Variants in UBE2G1 observed in about 807,000 individuals in gnomAD.
UBE2G1 encodes ubiquitin conjugating enzyme E2 G1, also known as ubiquitin-conjugating enzyme E2 G1.
A neutral mutation model predicts 22.7 loss-of-function variants in UBE2G1; 5 were observed. The ratio of observed to expected loss-of-function variants is 0.22; its 90% CI spans 0.12 to 0.46. UBE2G1 has a LOEUF of 0.46. UBE2G1 is among the 20% of genes least tolerant of loss of function. The pLI is 0.99. For missense variants in UBE2G1, 88 were observed against 203.9 expected, an observed-to-expected ratio of 0.43 and a Z score of 3.46; for synonymous variants, 74 against 67.5, an observed-to-expected ratio of 1.10 and a Z score of -0.47.
At chr17:4,304,304 C>T (rs979897830) in intron 2 of UBE2G1, among the ~76,000 whole-genome samples, 4 of 152,094 alleles carry the variant, frequency 2.6e-5, no homozygotes, top group Non-Finnish European at 4.4e-5. Flanking sequence ...CCTAAACTTC[C>T]GTACTACAAA....
chr17:4,343,658 G>A (rs1158172453), intron 1 of UBE2G1, among the ~76,000 whole-genome samples: 3 of 151,312 alleles, frequency 2.0e-5, no homozygotes, highest in South Asian at 2.1e-4. Flanking sequence ...GCGCAATCTC[G>A]GCTCACTGCA....
chr17:4,305,144 AG>A (rs1408581804), intron 2 of UBE2G1, among the ~76,000 whole-genome samples: 2 of 151,938 alleles, frequency 1.3e-5, no homozygotes, highest in African/African-American at 4.8e-5. Flanking sequence ...TAGTAGAGAC[AG>A]GGTTTCTCCA....
chr17:4,329,360 T>G (rs891357147), intron 1 of UBE2G1, among the ~76,000 whole-genome samples: 1 of 146,786 alleles, frequency 6.8e-6, no homozygotes, highest in Non-Finnish European at 1.5e-5. Context: ...GATCGCACCA[T>G]TGCACTCCAG....
chr17:4,325,561 T>G (rs552232066), intron 1 of UBE2G1, among the ~76,000 whole-genome samples: 1 of 152,144 alleles, frequency 6.6e-6, no homozygotes, highest in African/African-American at 2.4e-5. Flanking sequence ...CACAAAAAAA[T>G]CCACCCAAAG....
intron 1 of UBE2G1, among the ~76,000 whole-genome samples, chr17:4,316,864 C>T (rs145825525): frequency 6.0e-5 from 9 of 149,504 alleles, no homozygotes; most frequent in Admixed American, 1.3e-4. Flanking sequence ...TGTTTGGGCC[C>T]GGAAGTTTGA....
intron 5 of UBE2G1, among the ~76,000 whole-genome samples, chr17:4,280,924 C>T (rs9912524): frequency 0.55 from 83,204 of 152,038 alleles, 25,984 homozygotes; most frequent in East Asian, 0.8. Flanking sequence ...TGAGCCACCG[C>T]ACCTGGCCAC....
At chr17:4,333,842 C>T (rs963617626) in intron 1 of UBE2G1, among the ~76,000 whole-genome samples, 1 of 152,026 alleles carries the variant, frequency 6.6e-6, no homozygotes, top group Non-Finnish European at 1.5e-5. Flanking sequence ...AAAAGACTTA[C>T]ACCTTTTGCC....
chr17:4,309,741 T>G (rs1438208300), intron 1 of UBE2G1, among the ~76,000 whole-genome samples: 2 of 152,210 alleles, frequency 1.3e-5, no homozygotes, highest in African/African-American at 4.8e-5. Context: ...TTGTGAAAGA[T>G]TCTATAATAT....
intron 1 of UBE2G1, among the ~76,000 whole-genome samples, chr17:4,318,787 AG>A (rs1969404866): frequency 1.3e-5 from 2 of 152,186 alleles, no homozygotes; most frequent in Non-Finnish European, 2.9e-5. Context: ...GGCTGCAGTG[AG>A]TCGTAAGCAT....
chr17:4,303,375 G>A (rs991814394), intron 2 of UBE2G1, among the ~76,000 whole-genome samples: 5 of 151,966 alleles, frequency 3.3e-5, no homozygotes, highest in Admixed American at 6.6e-5. Context: ...TAATAAAACT[G>A]CAAAAGGGGA....
rs1337616199 is a variant in UBE2G1 at position 4,272,267 on chromosome 17, A to G, written c.*287T>C. The G allele has an allele frequency of 1.3e-5, 2 of 153,162 alleles. No individual in the cohort carries two copies. The highest frequency in any genetic ancestry group is 6.5e-5 in the Admixed American group (1 of 15,276). The allele number at this position is 153,162 out of a possible 1,614,324, so 9.5% of individuals were successfully genotyped here. A position where few individuals can be genotyped will look rare whatever the true frequency, so the allele number is the denominator to read the frequency against. On this transcript the variant is annotated 3_prime_UTR_variant, in exon 6 of 6. Transcript: ENST00000396981. The stretch of plus-strand genomic sequence containing the variant: ...TTGTGGATGTACATGAACAGTATAT[A>G]TATTATCCGGATCATGTTGTGCTAT...
At chr17:4,317,732 C>T (rs1371596173) in intron 1 of UBE2G1, among the ~76,000 whole-genome samples, 1 of 152,140 alleles carries the variant, frequency 6.6e-6, no homozygotes, top group African/African-American at 2.4e-5. Context: ...AATATTTCAC[C>T]CTGCTTATCA....
intron 2 of UBE2G1, 52 bp from the exon 3 acceptor site, chr17:4,296,866 T>C (rs765676776): frequency 6.7e-7 from 1 of 1,488,034 alleles, no homozygotes; most frequent in Non-Finnish European, 9.3e-7. Flanking sequence ...TGCTTTTAAG[T>C]ATAGAAGTGT....
intron 4 of UBE2G1, among the ~76,000 whole-genome samples, chr17:4,286,340 G>A (rs1459190387): frequency 6.6e-6 from 1 of 151,398 alleles, no homozygotes; most frequent in Non-Finnish European, 1.5e-5. Context: ...GGGAGGTGGA[G>A]GTTGCAGTGA....
chr17:4,273,416 T>C (rs1968783419), intron 5 of UBE2G1, among the ~76,000 whole-genome samples: 2 of 152,188 alleles, frequency 1.3e-5, no homozygotes, highest in African/African-American at 2.4e-5. Flanking sequence ...GGCATGAACA[T>C]GGCTCACTGC....
At chr17:4,336,311 A>G (rs1295782833) in intron 1 of UBE2G1, among the ~76,000 whole-genome samples, 1 of 152,240 alleles carries the variant, frequency 6.6e-6, no homozygotes, top group Non-Finnish European at 1.5e-5. Context: ...AGGGTCTACA[A>G]GAGACAAATC....
chr17:4,339,465 C>T (rs985112759), intron 1 of UBE2G1, among the ~76,000 whole-genome samples: 3 of 152,040 alleles, frequency 2.0e-5, no homozygotes, highest in Non-Finnish European at 2.9e-5. Flanking sequence ...CGACCACGAT[C>T]GGCTAATTTT....
chr17:4,335,637 C>A (rs558071355), intron 1 of UBE2G1, among the ~76,000 whole-genome samples: 1 of 152,174 alleles, frequency 6.6e-6, no homozygotes, highest in Admixed American at 6.5e-5. Context: ...TAAGATGTAC[C>A]TTTTTCACAT....
chr17:4,358,798 A>G (rs1015400439), intron 1 of UBE2G1, among the ~76,000 whole-genome samples: 52 of 152,132 alleles, frequency 3.4e-4, no homozygotes, highest in African/African-American at 1.1e-3. Flanking sequence ...TTAAAAATAC[A>G]AAATTAGCTG....
Sources: allele counts gnomAD v4.1 joint callset (sites outside exome capture counted in the v4.1 genomes callset), GRCh38; gene constraint gnomAD v4.1.1; transcripts MANE v1.5; gene names NCBI Gene and HGNC (gene_info 2026-07-23, HGNC 2026-07-21).